GALNT10: variants seen among roughly 807,000 people sequenced by gnomAD.
GALNT10 encodes the protein polypeptide N-acetylgalactosaminyltransferase 10.
A neutral mutation model predicts 75.0 loss-of-function variants in GALNT10; 41 were observed. The ratio of observed to expected loss-of-function variants is 0.55; its 90% CI spans 0.43 to 0.71. The LOEUF (loss-of-function observed/expected upper bound fraction) is 0.71, where lower values mean the gene tolerates loss of function less well. Ranked by LOEUF, GALNT10 falls within the 30% of genes least tolerant of loss-of-function variation. The pLI, the probability that GALNT10 is intolerant of heterozygous loss-of-function variation, is 0.00. For synonymous variants in GALNT10, 302 were observed against 313.0 expected, an observed-to-expected ratio of 0.96 and a Z score of 0.37; for missense variants, 727 against 818.5, an observed-to-expected ratio of 0.89 and a Z score of 1.36.
intron 3 of GALNT10, among the ~76,000 whole-genome samples, chr5:154,300,948 G>T (rs560371693): frequency 4.6e-5 from 7 of 152,324 alleles, no homozygotes; most frequent in African/African-American, 1.7e-4. Context: ...ATTGTGGGTA[G>T]AGAGAGTGGC....
chr5:154,384,700 A>G lies in GALNT10; in HGVS notation c.939-1613A>G, dbSNP rs73283388. On this transcript the variant is annotated intron_variant, in intron 6 of 11. Transcript: ENST00000297107. Reference sequence around the variant, plus strand: ...GAATTTCTCACGCCCTGTTCTTTGCATGCATCACCTGCTTCTCGAGTGTTC... The same window carrying G: ...GAATTTCTCACGCCCTGTTCTTTGCGTGCATCACCTGCTTCTCGAGTGTTC... Among the ~76,000 whole-genome samples, 1,395 of 152,324 alleles carry G rather than the reference A, an allele frequency of 9.2e-3. 18 individuals are homozygous for G. Among genetic ancestry groups the G allele is most frequent in the African/African-American group, 0.032 (1,350 of 41,578 alleles).
intron 4 of GALNT10, chr5:154,337,477 T>G (rs1297997622): frequency 4.2e-6 from 3 of 718,394 alleles, no homozygotes; most frequent in Non-Finnish European, 7.6e-6. Context: ...TAAAATCTCC[T>G]GCCACTGCCA....
intron 1 of GALNT10, among the ~76,000 whole-genome samples, chr5:154,294,302 C>G (rs1337851172): frequency 6.6e-6 from 1 of 152,206 alleles, no homozygotes; most frequent in Non-Finnish European, 1.5e-5. Context: ...CCACTGTACT[C>G]TAGCCTGGCC....
At chr5:154,233,595 G>A (rs1322249284) in intron 1 of GALNT10, among the ~76,000 whole-genome samples, 1 of 152,158 alleles carries the variant, frequency 6.6e-6, no homozygotes, top group Non-Finnish European at 1.5e-5. Flanking sequence ...GGTGGCACTG[G>A]GATGAGATTC....
At chr5:154,299,568 T>C (rs1369254707) in intron 3 of GALNT10, among the ~76,000 whole-genome samples, 2 of 152,358 alleles carry the variant, frequency 1.3e-5, no homozygotes, top group African/African-American at 2.4e-5. Flanking sequence ...TAGAATGCAG[T>C]GCTAAAGACT....
Position 154,190,775 on chromosome 5 carries a change from A to AGCT in GALNT10, c.-86_-84dup, listed in dbSNP as rs1013072176. On this transcript the variant is annotated 5_prime_UTR_variant, in exon 1 of 12. Transcript: ENST00000297107. ...GCGCCGCAGCCGCTTCTGCTGGCTG[A>AGCT]GCTGCTGCCGCCGCCGGGCGGACGG... The AGCT allele has an allele frequency of 1.6e-5, 7 of 438,072 alleles. No homozygotes were observed. The highest frequency in any genetic ancestry group is 1.3e-4 in the African/African-American group (6 of 44,876). 27.1% of individuals were successfully genotyped at this position (438,072 alleles called of 1,614,324 possible). A position where few individuals can be genotyped will look rare whatever the true frequency, so the allele number is the denominator to read the frequency against.
At chr5:154,224,725 C>T (rs1753034003) in intron 1 of GALNT10, among the ~76,000 whole-genome samples, 1 of 150,770 alleles carries the variant, frequency 6.6e-6, no homozygotes, top group Non-Finnish European at 1.5e-5. Context: ...GTGGTAGATA[C>T]TGAAGATACA....
chr5:154,414,327 T>G (rs777727642), intron 10 of GALNT10, among the ~76,000 whole-genome samples: 1 of 152,218 alleles, frequency 6.6e-6, no homozygotes, highest in Non-Finnish European at 1.5e-5. Flanking sequence ...AGCAGGTTTA[T>G]TTGTAATAGC....
intron 3 of GALNT10, chr5:154,329,337 A>G (rs761037115): frequency 4.6e-5 from 23 of 498,996 alleles, no homozygotes; most frequent in Non-Finnish European, 7.6e-5. Flanking sequence ...CAACTATTCA[A>G]ACTCAGGGAG....
chr5:154,232,382 A>G (rs1032679411), intron 1 of GALNT10, among the ~76,000 whole-genome samples: 1 of 152,326 alleles, frequency 6.6e-6, no homozygotes, highest in East Asian at 1.9e-4. Context: ...TACTTATTCA[A>G]TACACTTGTG....
At chr5:154,238,373 G>T (rs1753280609) in intron 1 of GALNT10, among the ~76,000 whole-genome samples, 1 of 150,276 alleles carries the variant, frequency 6.7e-6, no homozygotes, top group South Asian at 2.1e-4. Context: ...TTAGGCATTT[G>T]CATAGCACTT....
chr5:154,295,930 C>T (rs1274795956), intron 2 of GALNT10, among the ~76,000 whole-genome samples: 1 of 152,152 alleles, frequency 6.6e-6, no homozygotes, highest in African/African-American at 2.4e-5. Context: ...AAGCCTCCCA[C>T]CACTATTGAT....
intron 1 of GALNT10, among the ~76,000 whole-genome samples, chr5:154,204,012 G>A (rs114000668): frequency 0.031 from 4,784 of 152,290 alleles, 95 homozygotes; most frequent in Middle Eastern, 0.13. Flanking sequence ...TGCAAAAGCA[G>A]TCAGCAAGCT....
chr5:154,395,060 C>A (rs994026701), intron 7 of GALNT10, among the ~76,000 whole-genome samples: 19 of 152,236 alleles, frequency 1.2e-4, no homozygotes, highest in African/African-American at 4.8e-5. Flanking sequence ...GCTCAAAGGC[C>A]CGAGGGTCGC....
At chr5:154,329,808 T>C in intron 4 of GALNT10, 70 bp downstream of exon 4, 1 of 1,095,980 alleles carries the variant, frequency 9.1e-7, no homozygotes, top group Non-Finnish European at 1.4e-6. Context: ...GGATGGCAGG[T>C]TTTCCCTTCT....
chr5:154,233,615 C>T (rs889955307), intron 1 of GALNT10, among the ~76,000 whole-genome samples: 1 of 152,110 alleles, frequency 6.6e-6, no homozygotes, highest in African/African-American at 2.4e-5. Flanking sequence ...CTTCAGAGCA[C>T]CCCCCACCAG....
intron 1 of GALNT10, among the ~76,000 whole-genome samples, chr5:154,291,778 G>A (rs1280608028): frequency 1.3e-5 from 2 of 152,072 alleles, no homozygotes; most frequent in African/African-American, 4.8e-5. Context: ...TCCCAACCAG[G>A]ATACATTCCT....
rs6895758 is a variant in GALNT10, at chr5:154,417,327, G to A, written c.*355G>A. On this transcript the variant is annotated 3_prime_UTR_variant, in exon 12 of 12. Transcript: ENST00000297107. ...CCTAGGCCACCCAAAAGTGAGTCCT[G>A]CGAGGTTGCCCAGCCCTCAGATGGC... 0.023 allele frequency: 4,441 copies of A among 189,536 alleles called. 142 individuals are homozygous for A. Among genetic ancestry groups the A allele is most frequent in the East Asian group, 0.17 (1,199 of 7,262 alleles). The allele number at this position is 189,536 out of a possible 1,614,324, so 11.7% of individuals were successfully genotyped here.
chr5:154,246,251 T>C (rs954579467), intron 1 of GALNT10, among the ~76,000 whole-genome samples: 2 of 152,194 alleles, frequency 1.3e-5, no homozygotes, highest in Non-Finnish European at 2.9e-5. Context: ...CTATTGTGAA[T>C]AGTGCTGCAA....
Sources: allele counts gnomAD v4.1 joint callset (sites outside exome capture counted in the v4.1 genomes callset), GRCh38; gene constraint gnomAD v4.1.1; transcripts MANE v1.5; gene names NCBI Gene and HGNC (gene_info 2026-07-23, HGNC 2026-07-21).